SOX5: variants seen among roughly 807,000 people sequenced by gnomAD.
SOX5 encodes the protein SRY-box transcription factor 5.
In SOX5, 9 loss-of-function variants were observed where a neutral mutation model predicts 92.0. The observed-to-expected ratio is 0.10, with a 90% CI of 0.06 to 0.17. The LOEUF (loss-of-function observed/expected upper bound fraction) is 0.17. SOX5 is among the 10% of genes least tolerant of loss of function. The probability of loss-of-function intolerance (pLI) is 1.00; values close to 1 mark genes in which losing one functional copy is unlikely to be tolerated. For missense variants in SOX5, 642 were observed against 944.5 expected (o/e 0.68, Z 4.20); for synonymous variants, 344 against 336.3 (o/e 1.02, Z -0.25).
At chr12:24,169,944 G>T (rs1319066944) in intron 4 of SOX5, among the ~76,000 whole-genome samples, 1 of 152,174 alleles carries the variant, frequency 6.6e-6, no homozygotes, top group Non-Finnish European at 1.5e-5. Context: ...AATTCGTTAG[G>T]TGTATTGTTG....
intron 2 of SOX5, among the ~76,000 whole-genome samples, chr12:24,363,293 A>C (rs1042110512): frequency 1.3e-5 from 2 of 152,108 alleles, no homozygotes; most frequent in African/African-American, 4.8e-5. Context: ...CATATATTTA[A>C]TAGTTTCGCC....
chr12:24,470,914 T>C (rs1270173668), intron 1 of SOX5, among the ~76,000 whole-genome samples: 1 of 152,212 alleles, frequency 6.6e-6, no homozygotes, highest in Non-Finnish European at 1.5e-5. Context: ...GAATACTGCC[T>C]GGAATACCGT....
At chr12:23,610,027 A>G (rs1048150236) in intron 8 of SOX5, among the ~76,000 whole-genome samples, 3 of 152,172 alleles carry the variant, frequency 2.0e-5, no homozygotes, top group Non-Finnish European at 2.9e-5. Context: ...CAGATATTTT[A>G]ACTTGTACTA....
chr12:24,149,794 T>C (rs567621446), intron 4 of SOX5, among the ~76,000 whole-genome samples: 1 of 152,238 alleles, frequency 6.6e-6, no homozygotes, highest in African/African-American at 2.4e-5. Flanking sequence ...ATAAAACTGA[T>C]GAACAAACAA....
intron 3 of SOX5, among the ~76,000 whole-genome samples, chr12:24,268,668 AAC>A (rs1565791855): frequency 2.0e-5 from 3 of 152,208 alleles, no homozygotes; most frequent in African/African-American, 7.2e-5. Context: ...GTAGAGCAGA[AAC>A]AATTAGGTGC....
intron 1 of SOX5, among the ~76,000 whole-genome samples, chr12:24,447,943 G>A (rs1035523931): frequency 1.3e-5 from 2 of 152,094 alleles, no homozygotes; most frequent in Admixed American, 1.3e-4. Context: ...CACTTTGGGT[G>A]GCCAAGGCGG....
At chr12:24,346,598 G>A (rs1285186879) in intron 2 of SOX5, among the ~76,000 whole-genome samples, 1 of 151,842 alleles carries the variant, frequency 6.6e-6, no homozygotes, top group Non-Finnish European at 1.5e-5. Flanking sequence ...GACTACAGGT[G>A]CGTGCCACCA....
chr12:23,957,200 G>A (rs1381496557), intron 4 of SOX5, among the ~76,000 whole-genome samples: 1 of 152,106 alleles, frequency 6.6e-6, no homozygotes, highest in African/African-American at 2.4e-5. Flanking sequence ...ATATAAGACA[G>A]TGAGGAAAAT....
chr12:24,546,365 G>C (rs1952624631), intron 1 of SOX5, among the ~76,000 whole-genome samples: 1 of 151,666 alleles, frequency 6.6e-6, no homozygotes, highest in Non-Finnish European at 1.5e-5. Flanking sequence ...TTACTTAACA[G>C]TATGAGTTTC....
At chr12:23,845,192 A>G (rs2096561327) in intron 3 of SOX5, among the ~76,000 whole-genome samples, 1 of 152,132 alleles carries the variant, frequency 6.6e-6, no homozygotes, top group Non-Finnish European at 1.5e-5. Flanking sequence ...ATCATTGTTT[A>G]TTTGTTTTAA....
intron 6 of SOX5, among the ~76,000 whole-genome samples, chr12:23,666,900 C>T (rs538987316): frequency 6.6e-6 from 1 of 152,286 alleles, no homozygotes; most frequent in South Asian, 2.1e-4. Context: ...TTCTTGTTTT[C>T]CCAGTCGCAT....
At chr12:24,331,389 A>T (rs1334595618) in intron 2 of SOX5, 2 of 152,198 alleles carry the variant, frequency 1.3e-5, no homozygotes, top group Admixed American at 1.3e-4. Context: ...GTAATTTCTG[A>T]GAAAAACCTA....
At chr12:24,073,107 A>G (rs565533985) in intron 4 of SOX5, among the ~76,000 whole-genome samples, 89 of 152,360 alleles carry the variant, frequency 5.8e-4, no homozygotes, top group African/African-American at 1.3e-3. Flanking sequence ...AAAATTGTCA[A>G]TGGTGCACAA....
intron 4 of SOX5, among the ~76,000 whole-genome samples, chr12:24,001,123 C>T (rs1951569575): frequency 6.6e-6 from 1 of 152,118 alleles, no homozygotes; most frequent in South Asian, 2.1e-4. Context: ...CAGGGTCTTG[C>T]TCTGTCACCC....
At chr12:23,910,443 A>G (rs2097339601) in intron 1 of SOX5, among the ~76,000 whole-genome samples, 1 of 152,148 alleles carries the variant, frequency 6.6e-6, no homozygotes, top group African/African-American at 2.4e-5. Flanking sequence ...GCAGGTTTAA[A>G]TACGCATTTC....
intron 1 of SOX5, among the ~76,000 whole-genome samples, chr12:24,500,124 T>C (rs746223445): frequency 1.3e-5 from 2 of 152,212 alleles, no homozygotes; most frequent in Non-Finnish European, 2.9e-5. Context: ...TAGAGCTTTG[T>C]GTCATTTTTG....
chr12:24,203,529 A>G (rs1957738518), intron 4 of SOX5, among the ~76,000 whole-genome samples: 1 of 152,220 alleles, frequency 6.6e-6, no homozygotes, highest in African/African-American at 2.4e-5. Flanking sequence ...TTATTTGTAT[A>G]TCTGTGATAC....
intron 3 of SOX5, among the ~76,000 whole-genome samples, chr12:24,256,273 A>T (rs528225570): frequency 6.6e-6 from 1 of 152,358 alleles, no homozygotes; most frequent in East Asian, 1.9e-4. Context: ...GCAAAGATTG[A>T]AGTGTTAGAC....
At chr12:24,529,678 A>G (rs761362930) in intron 1 of SOX5, among the ~76,000 whole-genome samples, 1 of 152,190 alleles carries the variant, frequency 6.6e-6, no homozygotes, top group Non-Finnish European at 1.5e-5. Context: ...AGACCTTGTA[A>G]TTTTTTTCAA....
Sources: gnomAD v4.1 joint callset for allele counts (sites outside exome capture counted in the v4.1 genomes callset) on GRCh38, gnomAD v4.1.1 for gene constraint, MANE v1.5 for transcripts, NCBI Gene and HGNC (gene_info 2026-07-23, HGNC 2026-07-21) for gene names.